NUDT6: variants seen among roughly 807,000 people sequenced by gnomAD.
The protein encoded by NUDT6 is FAD diphosphatase NUDT6.
Under a neutral mutation model 36.8 loss-of-function variants are expected in NUDT6, and 24 were observed. That is an observed-to-expected ratio of 0.65 (90% CI 0.47 to 0.92). The LOEUF is 0.92. NUDT6 is among the 40% of genes least tolerant of loss of function. NUDT6 has a pLI of 0.00. For synonymous variants in NUDT6, 163 were observed against 157.0 expected (o/e 1.04, Z -0.29); for missense variants, 388 against 392.8 (o/e 0.99, Z 0.10).
intron 1 of NUDT6, chr4:122,920,045 C>T (rs1350902728): frequency 2.0e-5 from 3 of 152,230 alleles, no homozygotes; most frequent in African/African-American, 4.8e-5. Flanking sequence ...GTTTATCCCT[C>T]TAACTTCAGT....
At position 122,922,551 on chromosome 4, in the gene NUDT6, C is replaced by A; in HGVS notation, c.22G>T (p.Gly8Cys). Residue 8 changes from glycine (G) to cysteine (C), a missense_variant, in exon 1 of 5, where the codon GGC becomes TGC. Gly to Cys is a radical substitution (Grantham distance 159). Coordinates refer to ENST00000304430, the MANE Select transcript of NUDT6 (RefSeq NM_007083.5). MRQPLSW[G>C]RWRAMLARTY... is the part of the protein sequence containing the mutation. ...CGGGCAAGCATCGCGCGCCAGCGGCCCCAGCTCAGTGGCTGCCGCATCTCC... is the reference window on the plus strand; with the variant it reads ...CGGGCAAGCATCGCGCGCCAGCGGCACCAGCTCAGTGGCTGCCGCATCTCC... 1 of 1,601,172 alleles carries A rather than the reference C, an allele frequency of 6.2e-7. No homozygotes were observed. The highest frequency in any genetic ancestry group is 8.5e-7 in the Non-Finnish European group (1 of 1,176,954).
intron 3 of NUDT6, among the ~76,000 whole-genome samples, chr4:122,900,729 C>T (rs1202122172): frequency 6.6e-6 from 1 of 152,102 alleles, no homozygotes; most frequent in Non-Finnish European, 1.5e-5. Context: ...CTAATTGGAA[C>T]ATTCTATGTA....
In NUDT6 at chr4:122,892,939, G is replaced by A. The variant is rs1175170658; in HGVS notation, c.840C>T (p.Asp280=). ...GTTCTTCCACAGTCAGGTCAATTTT[G>A]TCAAACCCTTCTCTGTACCCATACA... is the stretch of plus-strand genomic sequence containing the variant. ...LLLYGYREGF[D]KIDLTVEELP... The change falls in exon 5 of 5, where the codon GAC becomes GAT. Residue 280 remains aspartate, a synonymous_variant. Transcript: ENST00000304430. 6.2e-7 allele frequency: 1 copy of A among 1,614,118 alleles called. No individual in the cohort carries two copies. The highest frequency in any genetic ancestry group is 8.5e-7 in the Non-Finnish European group (1 of 1,180,024).
intron 2 of NUDT6, among the ~76,000 whole-genome samples, chr4:122,916,294 G>A (rs970185013): frequency 1.3e-5 from 2 of 152,154 alleles, no homozygotes; most frequent in Non-Finnish European, 2.9e-5. Flanking sequence ...TCTGAGGGAA[G>A]TCTTCTCTCA....
At chr4:122,898,122 G>T in intron 3 of NUDT6, 1 of 156,770 alleles carries the variant, frequency 6.4e-6, no homozygotes, top group Non-Finnish European at 1.4e-5. Flanking sequence ...TTTCTAATCA[G>T]ATGTATTACT....
In NUDT6 at chr4:122,922,383, C is replaced by A. The variant is rs1300787882; in HGVS notation, c.190G>T (p.Asp64Tyr). The A allele has an allele frequency of 6.2e-7, 1 of 1,607,458 alleles. No individual in the cohort carries two copies. The highest frequency in any genetic ancestry group is 1.1e-5 in the South Asian group (1 of 90,828). The change falls in exon 1 of 5, where the codon GAT (aspartate) becomes TAT (tyrosine). Residue 64 changes from aspartate (D) to tyrosine (Y), a missense_variant. By Grantham distance (160) the Asp-to-Tyr change is radical. Transcript: ENST00000304430. ...GCAGCGTCCAGGCGGTCCAGCGCAT[C>A]GAGCCGCGCCAGGCGCACCGAGATG... ...GGISVRLARLDALDRLDAAAF... is the reference protein window; with the variant it reads ...GGISVRLARLYALDRLDAAAF...
At chr4:122,893,285 CAA>C in intron 4 of NUDT6, 60 bp from the exon 5 acceptor site, 2 of 1,466,458 alleles carry the variant, frequency 1.4e-6, no homozygotes, top group Non-Finnish European at 1.8e-6. Context: ...ACTGTATCAT[CAA>C]AGATTTTCAG....
At chr4:122,912,093 C>T (rs1401905511) in intron 3 of NUDT6, among the ~76,000 whole-genome samples, 1 of 152,158 alleles carries the variant, frequency 6.6e-6, no homozygotes, top group African/African-American at 2.4e-5. Context: ...TTAAATTTCA[C>T]CTCCTTTGAG....
At chr4:122,917,847 T>TTCCAGTGCCAGC in intron 1 of NUDT6, 143 bp from the exon 2 acceptor site, 1 of 657,356 alleles carries the variant, frequency 1.5e-6, no homozygotes, top group Non-Finnish European at 2.6e-6. Context: ...TCGCTGGCAC[T>TTCCAGTGCCAGC]GGAAGTACCA....
At position 122,922,325 on chromosome 4, in the gene NUDT6, G is replaced by A; in HGVS notation, c.238+10C>T. ...GAGCCCCGGGAGCCCTTCGTCCCAG[G>A]CGCACTTGCCCTGCAAGCCCTTCTG... On this transcript the variant is annotated intron_variant, in intron 1 of 4. Transcript: ENST00000304430. The A allele has an allele frequency of 6.3e-7, 1 of 1,593,984 alleles. No individual in the cohort carries two copies. The highest frequency in any genetic ancestry group is 1.1e-5 in the South Asian group (1 of 89,856).
chr4:122,907,451 T>TTC (rs1578494973), intron 3 of NUDT6, among the ~76,000 whole-genome samples: 2 of 102,948 alleles, frequency 1.9e-5, no homozygotes, highest in East Asian at 2.1e-4. Context: ...TTTACTTTCT[T>TTC]TTTTTTTTTT....
In NUDT6 at chr4:122,917,674, C is replaced by A; in HGVS notation, c.269G>T (p.Arg90Ile). 1 of 1,614,156 alleles carries A rather than the reference C, an allele frequency of 6.2e-7. No homozygotes were observed. Among genetic ancestry groups the A allele is most frequent in the East Asian group, 2.2e-5 (1 of 44,888 alleles). ...GGGAATGTGCAGCCATACAGCTGTT[C>A]TACCTTCTGATCGCCATTGCTGTAC... ...AAVQQWRSEG[R>I]TAVWLHIPIL... The change falls in exon 2 of 5, where the codon AGA becomes ATA. Residue 90 changes from arginine (R) to isoleucine (I), a missense_variant. By Grantham distance (97) the Arg-to-Ile change is moderately conservative (BLOSUM62 -3). Transcript: ENST00000304430.
At chr4:122,922,160 C>G in intron 1 of NUDT6, 175 bp downstream of exon 1, 1 of 478,878 alleles carries the variant, frequency 2.1e-6, no homozygotes, top group Non-Finnish European at 3.5e-6. Context: ...TAGAGACCTC[C>G]CAGCAAAAGG....
chr4:122,922,025 G>A (rs747899489), intron 1 of NUDT6: 2 of 335,402 alleles, frequency 6.0e-6, no homozygotes, highest in Non-Finnish European at 1.1e-5. Flanking sequence ...TCTTATCACC[G>A]GGGTCTGTGG....
At chr4:122,914,613 G>T (rs992081582) in intron 2 of NUDT6, among the ~76,000 whole-genome samples, 5 of 152,048 alleles carry the variant, frequency 3.3e-5, no homozygotes, top group African/African-American at 1.2e-4. Flanking sequence ...TGAGTGTCTG[G>T]CTTCATATAG....
At chr4:122,912,683 T>G in intron 2 of NUDT6, 60 bp from the exon 3 acceptor site, 2 of 1,039,230 alleles carry the variant, frequency 1.9e-6, no homozygotes, top group South Asian at 1.3e-5. Flanking sequence ...CTTAATCTCC[T>G]CCCACACTCT....
upstream of NUDT6, chr4:122,922,676 T>G (rs892536319): frequency 7.0e-6 from 7 of 1,001,178 alleles, no homozygotes; most frequent in African/African-American, 1.6e-5. Flanking sequence ...ACCCTCAGAG[T>G]TGAGCTGGGG....
At chr4:122,921,440 T>C (rs1000845110) in intron 1 of NUDT6, 1 of 151,644 alleles carries the variant, frequency 6.6e-6, no homozygotes. Context: ...ACACCGTTTC[T>C]AGAAAAAATA....
At position 122,904,733 on chromosome 4, in the gene NUDT6, C is replaced by T. The variant is rs60397447; in HGVS notation, c.499-7055G>A. On this transcript the variant is annotated intron_variant, in intron 3 of 4. Coordinates refer to ENST00000304430, the MANE Select transcript of NUDT6 (RefSeq NM_007083.5). ...CCTCCCAAAGTGCTGGGATTACAGG[C>T]GTGAGCCACCGTGCCTCGCCTCTTC... Among the ~76,000 whole-genome samples the T allele has an allele frequency of 5.3e-3, 802 of 152,282 alleles. 7 individuals are homozygous for T. Among genetic ancestry groups the T allele is most frequent in the African/African-American group, 0.018 (735 of 41,550 alleles).
Sources: gnomAD v4.1 joint callset for allele counts (sites outside exome capture counted in the v4.1 genomes callset) on GRCh38, gnomAD v4.1.1 for gene constraint, MANE v1.5 for transcripts, NCBI Gene and HGNC (gene_info 2026-07-23, HGNC 2026-07-21) for gene names.